EIF4E: variants seen among roughly 807,000 people sequenced by gnomAD.
EIF4E encodes the protein eukaryotic translation initiation factor 4E.
For synonymous variants in EIF4E, 71 were observed against 88.5 expected (o/e 0.80, Z 1.11); for missense variants, 113 against 265.6 (o/e 0.43, Z 3.99).
At chr4:98,885,127 C>A (rs997807306) in intron 5 of EIF4E, 66 bp from the exon 6 acceptor site, 11 of 1,539,846 alleles carry the variant, frequency 7.1e-6, no homozygotes, top group Admixed American at 1.9e-5. Context: ...GCAAATGTCT[C>A]TTCTGTATTT....
At position 98,909,338 on chromosome 4, in the gene EIF4E, C is replaced by T. The variant is rs192549048; in HGVS notation, c.19-7356G>A. 1.2e-3 allele frequency among the ~76,000 whole-genome samples: 180 copies of T among 152,270 alleles called. 1 individual carries two copies. The highest frequency in any genetic ancestry group is 3.8e-3 in the African/African-American group (158 of 41,554). Reference sequence around the variant, plus strand: ...TACAAATATGTAAACAGACTTCATACGTTTCTGTTCCTTGTAGTATCTACT... The same window carrying T: ...TACAAATATGTAAACAGACTTCATATGTTTCTGTTCCTTGTAGTATCTACT... On this transcript the variant is annotated intron_variant, in intron 1 of 6. Coordinates refer to ENST00000450253, the MANE Select transcript of EIF4E (RefSeq NM_001968.5).
intron 1 of EIF4E, among the ~76,000 whole-genome samples, chr4:98,924,414 C>T (rs1006895784): frequency 2.0e-4 from 31 of 152,012 alleles, no homozygotes; most frequent in African/African-American, 7.2e-4. Context: ...CAATATTTTA[C>T]TTAAATGTTT....
Position 98,904,552 on chromosome 4 carries a change from C to A in EIF4E, c.19-2570G>T, listed in dbSNP as rs191607469. 2.8e-3 allele frequency among the ~76,000 whole-genome samples: 434 copies of A among 152,346 alleles called. 3 individuals carry two copies. Among genetic ancestry groups the A allele is most frequent in the African/African-American group, 9.6e-3 (400 of 41,570 alleles). ...TTGGGAGGTCAAGGCAAGTGCACCA[C>A]CTGAGCTCAGGAGTTCAAGACCAGC... is the stretch of plus-strand genomic sequence containing the variant. On this transcript the variant is annotated intron_variant, in intron 1 of 6. Transcript: ENST00000450253.
rs1723589513 is a variant in EIF4E, at chr4:98,879,616, C to T, written c.*1412G>A. The stretch of plus-strand genomic sequence containing the variant: ...TTATTCCATTCTATTTAGATTGCAA[C>T]ACTAACAAGATTCTTAATGCATATG... On this transcript the variant is annotated 3_prime_UTR_variant, in exon 7 of 7. Transcript: ENST00000450253. 1 of 151,602 alleles carries T rather than the reference C, an allele frequency of 6.6e-6. No individual in the cohort carries two copies. Among genetic ancestry groups the T allele is most frequent in the African/African-American group, 2.4e-5 (1 of 41,240 alleles). 9.4% of individuals were successfully genotyped at this position (151,602 alleles called of 1,614,324 possible).
rs565854289 is a variant in EIF4E, at chr4:98,905,933, A to G, written c.19-3951T>C. On this transcript the variant is annotated intron_variant, in intron 1 of 6. Coordinates refer to ENST00000450253, the MANE Select transcript of EIF4E (RefSeq NM_001968.5). ...GACAATCCTAATATTATAGAGGTAA[A>G]TATTTCCCAGATCTAGCATCATTCT... is the stretch of plus-strand genomic sequence containing the variant. Among the ~76,000 whole-genome samples the G allele has an allele frequency of 1.2e-4, 18 of 152,308 alleles. No homozygotes were observed. In the South Asian group the frequency reaches 3.3e-3, roughly 28 times the overall value.
intron 1 of EIF4E, among the ~76,000 whole-genome samples, chr4:98,928,119 T>A (rs977502872): frequency 3.9e-5 from 6 of 152,292 alleles, no homozygotes; most frequent in South Asian, 2.1e-4. Flanking sequence ...TTCCAGGAGA[T>A]AAAGACTCGG....
In EIF4E at chr4:98,891,340, T is replaced by TA; in HGVS notation, c.126-9dup. 1 of 1,609,596 alleles carries TA rather than the reference T, an allele frequency of 6.2e-7. No homozygotes were observed. The highest frequency in any genetic ancestry group is 8.5e-7 in the Non-Finnish European group (1 of 1,178,264). On this transcript the variant is annotated splice_polypyrimidine_tract_variant and intron_variant, in intron 2 of 6. Transcript: ENST00000450253. ...AAAAACCAGAGTGCCCATCTAAAAA[T>TA]AAAAAATCAGTGTCAAAAAATGGTA... is the stretch of plus-strand genomic sequence containing the variant.
chr4:98,913,944 A>G (rs1323795917), intron 1 of EIF4E, among the ~76,000 whole-genome samples: 4 of 152,160 alleles, frequency 2.6e-5, no homozygotes. Flanking sequence ...ACCAAAAGGT[A>G]ACAGATAAAC....
At chr4:98,895,455 G>A (rs1724338201) in intron 2 of EIF4E, 1 of 152,048 alleles carries the variant, frequency 6.6e-6, no homozygotes, top group Non-Finnish European at 1.5e-5. Context: ...AATACCAAAG[G>A]GCAGTCAAAG....
intron 2 of EIF4E, chr4:98,895,583 G>A (rs921187390): frequency 6.6e-6 from 1 of 152,130 alleles, no homozygotes; most frequent in African/African-American, 2.4e-5. Context: ...AAAATGAGAT[G>A]CATTTCAACA....
chr4:98,893,964 C>G (rs1298793082), intron 2 of EIF4E, among the ~76,000 whole-genome samples: 3 of 152,230 alleles, frequency 2.0e-5, no homozygotes, highest in Non-Finnish European at 4.4e-5. Context: ...GCTCCATACG[C>G]TGCAGAAAGT....
chr4:98,897,455 C>T (rs1461331280), intron 2 of EIF4E, among the ~76,000 whole-genome samples: 1 of 151,940 alleles, frequency 6.6e-6, no homozygotes, highest in Admixed American at 6.5e-5. Context: ...CCTGCAATCC[C>T]AGCTACTTGG....
At chr4:98,910,578 G>C (rs960090312) in intron 1 of EIF4E, among the ~76,000 whole-genome samples, 1 of 152,076 alleles carries the variant, frequency 6.6e-6, no homozygotes, top group Admixed American at 6.5e-5. Context: ...TGAGTGAATA[G>C]AGCTGATTAA....
chr4:98,928,959 G>A (rs1368170165), intron 1 of EIF4E, 136 bp downstream of exon 1: 3 of 1,578,692 alleles, frequency 1.9e-6, no homozygotes, highest in South Asian at 1.2e-5. Context: ...TCCGCGGGAG[G>A]TCAGGTCCAA....
At chr4:98,906,649 T>A (rs1464622513) in intron 1 of EIF4E, among the ~76,000 whole-genome samples, 1 of 152,260 alleles carries the variant, frequency 6.6e-6, no homozygotes, top group Middle Eastern at 3.4e-3. Context: ...GTTCTAAGGC[T>A]GCGGTGAGCT....
At chr4:98,909,173 A>G (rs1158044185) in intron 1 of EIF4E, among the ~76,000 whole-genome samples, 1 of 152,258 alleles carries the variant, frequency 6.6e-6, no homozygotes, top group African/African-American at 2.4e-5. Context: ...CAGGAAAAAA[A>G]GCAACTATAT....
At chr4:98,889,253 C>A (rs1207161084) in intron 3 of EIF4E, among the ~76,000 whole-genome samples, 1 of 152,000 alleles carries the variant, frequency 6.6e-6, no homozygotes, top group Non-Finnish European at 1.5e-5. Context: ...CAACCTAAGA[C>A]CACATAAGGT....
At chr4:98,883,162 T>G (rs931583051) in intron 6 of EIF4E, among the ~76,000 whole-genome samples, 5 of 151,690 alleles carry the variant, frequency 3.3e-5, no homozygotes, top group African/African-American at 1.2e-4. Context: ...GTCCCAGCTA[T>G]TCAGGAGGCT....
intron 1 of EIF4E, among the ~76,000 whole-genome samples, chr4:98,924,372 C>T (rs1210909540): frequency 6.6e-6 from 1 of 151,880 alleles, no homozygotes; most frequent in African/African-American, 2.4e-5. Flanking sequence ...CCACCGCACC[C>T]GGCCCATATT....
Sources: gnomAD v4.1 joint callset for allele counts (sites outside exome capture counted in the v4.1 genomes callset) on GRCh38, gnomAD v4.1.1 for gene constraint, MANE v1.5 for transcripts, NCBI Gene and HGNC (gene_info 2026-07-23, HGNC 2026-07-21) for gene names.